SAP130: variants seen among roughly 807,000 people sequenced by gnomAD.
The protein encoded by SAP130 is Sin3A associated protein 130.
Under a neutral mutation model 103.2 loss-of-function variants are expected in SAP130, and 16 were observed. That is an observed-to-expected ratio of 0.16 (90% CI 0.10 to 0.24). The LOEUF is 0.24. SAP130 is among the 10% of genes least tolerant of loss of function. The probability of loss-of-function intolerance (pLI) is 1.00; values close to 1 mark genes in which losing one functional copy is unlikely to be tolerated. For missense variants in SAP130, 990 were observed against 1,359.7 expected (o/e 0.73, Z 4.28); for synonymous variants, 477 against 497.0 (o/e 0.96, Z 0.53).
At chr2:128,016,742 A>G (rs1684816700) in intron 3 of SAP130, among the ~76,000 whole-genome samples, 195 bp from the exon 4 acceptor site, 1 of 152,234 alleles carries the variant, frequency 6.6e-6, no homozygotes, top group Admixed American at 6.5e-5. Flanking sequence ...AAAGAAACAT[A>G]CAAAGCAAGG....
chr2:127,965,682 C>G (rs1039666773), intron 15 of SAP130, among the ~76,000 whole-genome samples: 2 of 151,500 alleles, frequency 1.3e-5, no homozygotes, highest in African/African-American at 4.9e-5. Context: ...CTCAGCCACT[C>G]GGGAGGCTAA....
intron 15 of SAP130, among the ~76,000 whole-genome samples, chr2:127,960,974 G>C (rs1680199754): frequency 6.7e-6 from 1 of 149,702 alleles, no homozygotes; most frequent in Admixed American, 6.7e-5. Context: ...AAATACAAAT[G>C]TTTTTTCTTT....
intron 16 of SAP130, among the ~76,000 whole-genome samples, chr2:127,954,781 T>C (rs1341774458): frequency 1.3e-5 from 2 of 152,216 alleles, no homozygotes; most frequent in African/African-American, 4.8e-5. Context: ...TTAAACTTTA[T>C]TACAAAAGGG....
intron 12 of SAP130, 83 bp downstream of exon 12, chr2:127,993,104 A>T (rs775501638): frequency 1.8e-5 from 27 of 1,502,692 alleles, no homozygotes; most frequent in Non-Finnish European, 2.4e-5. Context: ...AATCTCATAC[A>T]AAAAATAACC....
intron 10 of SAP130, among the ~76,000 whole-genome samples, chr2:127,998,890 G>T (rs368145821): frequency 4.6e-5 from 7 of 152,352 alleles, no homozygotes; most frequent in African/African-American, 1.4e-4. Flanking sequence ...TGGCTCTGCC[G>T]TGATAGCACT....
chr2:127,979,141 G>T (rs1433588718), intron 14 of SAP130, among the ~76,000 whole-genome samples: 1 of 152,170 alleles, frequency 6.6e-6, no homozygotes, highest in Admixed American at 6.5e-5. Context: ...AGAAAGGGAA[G>T]GGAGATTTGA....
At chr2:128,017,991 C>A in intron 2 of SAP130, 76 bp from the exon 3 acceptor site, 1 of 1,209,064 alleles carries the variant, frequency 8.3e-7, no homozygotes, top group South Asian at 1.4e-5. Context: ...AAGAGTGGTA[C>A]CTGAAGTTAA....
intron 14 of SAP130, among the ~76,000 whole-genome samples, chr2:127,984,615 G>A (rs908437939): frequency 3.9e-5 from 6 of 152,284 alleles, no homozygotes; most frequent in African/African-American, 1.4e-4. Flanking sequence ...CTCCCCAGAA[G>A]GAAAGTAGAG....
Position 127,986,688 on chromosome 2 carries a change from G to C in SAP130, c.1958+97C>G. ...TTTTAACACACCACAGAAAATGAGA[G>C]ATGAGTTTGATACCAGCATTAGATA... On this transcript the variant is annotated intron_variant, in intron 14 of 20. Transcript: ENST00000643581. The surrounding 1 kb of genome is among the most constrained non-coding windows in gnomAD (Gnocchi z 4.7). The C allele has an allele frequency of 7.7e-7, 1 of 1,295,558 alleles. No homozygotes were observed. The highest frequency in any genetic ancestry group is 1.1e-6 in the Non-Finnish European group (1 of 926,624). 80.3% of individuals were successfully genotyped at this position (1,295,558 alleles called of 1,614,324 possible). A position where few individuals can be genotyped will look rare whatever the true frequency, so the allele number is the denominator to read the frequency against.
At chr2:128,018,313 C>CAAAAAAAAAAA (rs200188563) in intron 2 of SAP130, among the ~76,000 whole-genome samples, 3 of 50,386 alleles carry the variant, frequency 6.0e-5, no homozygotes, top group Non-Finnish European at 8.5e-5. Flanking sequence ...ACTAAAAATA[C>CAAAAAAAAAAA]AAAAAAAAAA....
At chr2:127,961,622 GTAACAACATTCAACAGAC>G (rs1315747650) in intron 15 of SAP130, among the ~76,000 whole-genome samples, 4 of 151,338 alleles carry the variant, frequency 2.6e-5, no homozygotes, top group Non-Finnish European at 5.9e-5. Flanking sequence ...ACCAATACAG[GTAACAACATTCAACAGAC>G]TAAAAAACTA....
In SAP130 at chr2:128,026,168, T is replaced by C. The variant is rs374073319; in HGVS notation, c.112+13A>G. 2.4e-4 allele frequency: 378 copies of C among 1,544,752 alleles called. 2 individuals are homozygous for C. The highest frequency in any genetic ancestry group is 8.5e-4 in the Middle Eastern group (5 of 5,862). Reference sequence around the variant, plus strand: ...AAGTAGGAAAAAATATATTAGAATATTACATATCTCACCTGTAGCAGCTGG... The same window carrying C: ...AAGTAGGAAAAAATATATTAGAATACTACATATCTCACCTGTAGCAGCTGG... On this transcript the variant is annotated intron_variant, in intron 2 of 20. Coordinates refer to ENST00000643581, the MANE Select transcript of SAP130 (RefSeq NM_001330301.2).
At position 127,941,800 on chromosome 2, in the gene SAP130, C is replaced by A. The variant is rs548707145; in HGVS notation, c.*206G>T. ...ACAGATCAGGTTTAACAGGGGTGCA[C>A]CCGAACGCAAGAAGGCAGCTCACTA... is the stretch of plus-strand genomic sequence containing the variant. On this transcript the variant is annotated 3_prime_UTR_variant, in exon 21 of 21. Transcript: ENST00000643581. The A allele has an allele frequency of 1.1e-5, 6 of 562,270 alleles. No individual in the cohort carries two copies. The Admixed American group carries it at 1.1e-4, about 10-fold the overall frequency. The allele number at this position is 562,270 out of a possible 1,614,324, so 34.8% of individuals were successfully genotyped here. A position where few individuals can be genotyped will look rare whatever the true frequency, so the allele number is the denominator to read the frequency against.
At chr2:128,001,348 C>T (rs775095883) in intron 7 of SAP130, among the ~76,000 whole-genome samples, 5 of 152,118 alleles carry the variant, frequency 3.3e-5, no homozygotes, top group East Asian at 1.9e-4. Context: ...CCAGCCTGGG[C>T]GACAGAGTGA....
intron 2 of SAP130, among the ~76,000 whole-genome samples, chr2:128,019,729 T>C (rs538150711): frequency 1.2e-4 from 18 of 152,026 alleles, no homozygotes; most frequent in African/African-American, 3.9e-4. Flanking sequence ...CTACTAAAAA[T>C]ACAAAAAAAT....
At chr2:127,967,195 C>T (rs1460906571) in intron 15 of SAP130, among the ~76,000 whole-genome samples, 1 of 152,116 alleles carries the variant, frequency 6.6e-6, no homozygotes, top group Non-Finnish European at 1.5e-5. Context: ...TGTGTGACAC[C>T]GTGCCTACAA....
intron 2 of SAP130, among the ~76,000 whole-genome samples, chr2:128,025,606 C>T (rs1168798190): frequency 6.6e-6 from 1 of 152,142 alleles, no homozygotes; most frequent in African/African-American, 2.4e-5. Context: ...TACAGTATAA[C>T]AACTATTTAC....
chr2:127,944,901 CAA>C (rs1188253573), intron 19 of SAP130, among the ~76,000 whole-genome samples: 1,374 of 77,522 alleles, frequency 0.018, 8 homozygotes, highest in Middle Eastern at 0.033. Context: ...GACCTTGTCT[CAA>C]AAAAAAAAAA....
At chr2:127,997,038 G>A (rs1237871852) in intron 10 of SAP130, among the ~76,000 whole-genome samples, 1 of 152,146 alleles carries the variant, frequency 6.6e-6, no homozygotes, top group African/African-American at 2.4e-5. Context: ...ATGAGAAAAC[G>A]ACTTTAATTC....
Sources: gnomAD v4.1 joint callset for allele counts (sites outside exome capture counted in the v4.1 genomes callset) on GRCh38, gnomAD v4.1.1 for gene constraint, Gnocchi (gnomAD v3.1) non-coding constraint, MANE v1.5 for transcripts, NCBI Gene and HGNC (gene_info 2026-07-23, HGNC 2026-07-21) for gene names.